Variants in MYO1H observed in about 807,000 individuals in gnomAD.
MYO1H encodes the protein unconventional myosin-Ih.
MYO1H carries 118 observed loss-of-function variants against 149.3 expected under a neutral mutation model. The ratio of observed to expected loss-of-function variants is 0.79; its 90% CI spans 0.68 to 0.92. The LOEUF is 0.92. MYO1H is among the 40% of genes least tolerant of loss of function. The pLI is 0.00. For synonymous variants in MYO1H, 447 were observed against 465.2 expected, an observed-to-expected ratio of 0.96 and a Z score of 0.50; for missense variants, 1,212 against 1,280.7, an observed-to-expected ratio of 0.95 and a Z score of 0.82.
intron 12 of MYO1H, among the ~76,000 whole-genome samples, 172 bp from the exon 13 acceptor site, chr12:109,410,516 T>C (rs1027970807): frequency 1.1e-4 from 17 of 152,224 alleles, no homozygotes; most frequent in African/African-American, 3.1e-4. Flanking sequence ...TTTTTAGGCC[T>C]TCTCTGCTTA....
intron 30 of MYO1H, chr12:109,445,285 A>G: frequency 2.2e-6 from 1 of 454,480 alleles, no homozygotes; most frequent in Non-Finnish European, 3.9e-6. Context: ...GACCCTTTGA[A>G]GAACTGAATG....
upstream of MYO1H, among the ~76,000 whole-genome samples, chr12:109,343,006 G>T (rs2048091531): frequency 6.6e-6 from 1 of 152,008 alleles, no homozygotes; most frequent in Non-Finnish European, 1.5e-5. Flanking sequence ...ATCACTTGAA[G>T]CCAGGAGTTC....
exon 3 of MYO1H, chr12:109,393,435 GCCA>G (rs780047981): frequency 2.3e-5 from 36 of 1,575,682 alleles, no homozygotes; most frequent in Non-Finnish European, 2.3e-5. Context: ...TCTTTGAACT[GCCA>G]CCACATGTGT....
rs765934376 is a variant in MYO1H, at chr12:109,435,100, TA to T, written c.2130del (p.Lys710AsnfsTer4). 2 of 1,603,290 alleles carry T rather than the reference TA, an allele frequency of 1.2e-6. No individual in the cohort carries two copies. Among genetic ancestry groups the T allele is most frequent in the Non-Finnish European group, 1.7e-6 (2 of 1,172,672 alleles). On this transcript the variant is annotated frameshift_variant, in exon 21 of 32. Transcript: ENST00000310903. LOFTEE classifies it high-confidence loss of function. The stretch of plus-strand genomic sequence containing the variant: ...CTACCGAAGATGCCTTTGAATTTAG[TA>T]AACATCAACTAGGTATGATTTCTTT...
chr12:109,383,859 G>A (rs1869253411), intron 1 of MYO1H, among the ~76,000 whole-genome samples: 1 of 152,162 alleles, frequency 6.6e-6, no homozygotes, highest in Admixed American at 6.5e-5. Flanking sequence ...ACTGGGTCAA[G>A]CATTAGATTA....
chr12:109,336,377 A>G, the MYO1H span, among the ~76,000 whole-genome samples: 2 of 152,224 alleles, frequency 1.3e-5, no homozygotes, highest in East Asian at 1.9e-4. Context: ...ATGTTAGGGG[A>G]GAGAGAGAAG....
At chr12:109,385,850 T>G (rs753072168) in intron 1 of MYO1H, among the ~76,000 whole-genome samples, 7 of 152,168 alleles carry the variant, frequency 4.6e-5, no homozygotes, top group Non-Finnish European at 8.8e-5. Context: ...CTCCAGCCAA[T>G]CCCTACCTCT....
the MYO1H span, among the ~76,000 whole-genome samples, chr12:109,324,861 T>TC: frequency 6.6e-6 from 1 of 152,176 alleles, no homozygotes; most frequent in Non-Finnish European, 1.5e-5. Flanking sequence ...CCTAATGCTC[T>TC]CCCTGTCCTT....
intron 3 of MYO1H, 73 bp from the exon 4 acceptor site, chr12:109,396,308 TTTC>T: frequency 7.8e-7 from 1 of 1,280,388 alleles, no homozygotes; most frequent in Non-Finnish European, 1.1e-6. Flanking sequence ...GCACCTCATT[TTTC>T]TTCTTTGGTG....
At chr12:109,399,157 T>C (rs1870043790) in intron 5 of MYO1H, among the ~76,000 whole-genome samples, 1 of 152,132 alleles carries the variant, frequency 6.6e-6, no homozygotes, top group Admixed American at 6.5e-5. Flanking sequence ...TGGAAAGAAA[T>C]TTAATAGCTA....
chr12:109,402,833 T>C (rs570144408), intron 6 of MYO1H, among the ~76,000 whole-genome samples: 1 of 152,236 alleles, frequency 6.6e-6, no homozygotes, highest in African/African-American at 2.4e-5. Context: ...GTAAAAATAT[T>C]TGAGGCCTCA....
chr12:109,364,533 C>G (rs780853665), intron 1 of MYO1H, among the ~76,000 whole-genome samples: 9 of 152,140 alleles, frequency 5.9e-5, no homozygotes, highest in Non-Finnish European at 1.3e-4. Context: ...CCATATTGCC[C>G]AGGCTAGGCT....
intron 1 of MYO1H, among the ~76,000 whole-genome samples, chr12:109,369,737 G>T (rs908955852): frequency 2.6e-5 from 4 of 152,206 alleles, no homozygotes; most frequent in Non-Finnish European, 5.9e-5. Flanking sequence ...CAGCAGCATA[G>T]GTCGTCATAA....
chr12:109,412,138 A>G (rs2135562040), intron 14 of MYO1H, among the ~76,000 whole-genome samples, 153 bp downstream of exon 14: 1 of 152,220 alleles, frequency 6.6e-6, no homozygotes, highest in South Asian at 2.1e-4. Flanking sequence ...GACCTTTGTT[A>G]GTAGAAATTA....
Position 109,431,206 on chromosome 12 carries a change from C to T in MYO1H, c.1950-1691C>T, listed in dbSNP as rs569616675. ...CATCCTGGCTAACACAATGAAACTCCGTCTCTACTAAAAAATACAAAAAAT... is the reference window on the plus strand; with the variant it reads ...CATCCTGGCTAACACAATGAAACTCTGTCTCTACTAAAAAATACAAAAAAT... On this transcript the variant is annotated intron_variant, in intron 19 of 31. Coordinates refer to ENST00000310903, the Ensembl canonical transcript of MYO1H. Among the ~76,000 whole-genome samples the T allele has an allele frequency of 2.1e-4, 32 of 151,966 alleles. 1 individual carries two copies. The South Asian group carries it at 6.0e-3, about 29-fold the overall frequency.
At chr12:109,441,480 T>A in intron 25 of MYO1H, 135 bp from the exon 26 acceptor site, 1 of 534,820 alleles carries the variant, frequency 1.9e-6, no homozygotes, top group Admixed American at 3.8e-5. Flanking sequence ...GAAGGTGTTC[T>A]GACTTGTATG....
At chr12:109,415,672 T>A in intron 15 of MYO1H, 52 bp downstream of exon 15, 1 of 1,358,338 alleles carries the variant, frequency 7.4e-7, no homozygotes, top group Non-Finnish European at 1.0e-6. Context: ...CAGCCTGGTG[T>A]CTTACAATAA....
At chr12:109,319,281 G>A in the MYO1H span, among the ~76,000 whole-genome samples, 1 of 152,124 alleles carries the variant, frequency 6.6e-6, no homozygotes, top group Non-Finnish European at 1.5e-5. Flanking sequence ...GCAAGAGCAT[G>A]GATGAACTTT....
intron 19 of MYO1H, among the ~76,000 whole-genome samples, chr12:109,427,909 AATATATATATATATAT>A (rs1555254297): frequency 2.4e-4 from 4 of 16,416 alleles, no homozygotes; most frequent in East Asian, 4.2e-3. Context: ...AAAAAAAAAA[AATATATATATATATAT>A]ATATATATAT....
Sources: allele counts gnomAD v4.1 joint callset (sites outside exome capture counted in the v4.1 genomes callset), GRCh38; gene constraint gnomAD v4.1.1; transcripts MANE v1.5; gene names NCBI Gene and HGNC (gene_info 2026-07-23, HGNC 2026-07-21).